Variants in STIM2 observed in about 807,000 individuals in gnomAD.
STIM2 encodes stromal interaction molecule 2.
Under a neutral mutation model 85.8 loss-of-function variants are expected in STIM2, and 31 were observed. The observed-to-expected ratio is 0.36, with a 90% CI of 0.27 to 0.49. STIM2 has a LOEUF of 0.49. Among genes scored for constraint, STIM2 ranks in the 20% least tolerant of loss-of-function variants. The pLI is 0.98. For missense variants in STIM2, 841 were observed against 927.6 expected (o/e 0.91, Z 1.21); for synonymous variants, 356 against 331.1 (o/e 1.08, Z -0.82).
At chr4:26,879,661 A>G (rs1436154831) in intron 1 of STIM2, among the ~76,000 whole-genome samples, 1 of 152,216 alleles carries the variant, frequency 6.6e-6, no homozygotes, top group Non-Finnish European at 1.5e-5. Flanking sequence ...TCTCATAGAT[A>G]GTAAAGAGAA....
At chr4:26,933,266 C>T (rs532606055) in intron 2 of STIM2, among the ~76,000 whole-genome samples, 42 of 150,846 alleles carry the variant, frequency 2.8e-4, no homozygotes, top group African/African-American at 1.0e-3. Flanking sequence ...TTTTATCGTA[C>T]TTAAAGGTAA....
intron 3 of STIM2, among the ~76,000 whole-genome samples, chr4:26,994,219 C>T (rs1223256792): frequency 1.3e-5 from 2 of 152,136 alleles, no homozygotes; most frequent in African/African-American, 4.8e-5. Flanking sequence ...ATGTCAAATG[C>T]ATACTTCAAA....
rs535888529 is a variant in STIM2, at chr4:26,917,078, G to A, written c.152-2426G>A. ...AGCTAAAATGGGTATTATGTGAGAA[G>A]TGGAGAAACATGGTCCCTGCCCTGT... On this transcript the variant is annotated intron_variant, in intron 1 of 11. Transcript: ENST00000467087. 2.6e-5 allele frequency among the ~76,000 whole-genome samples: 4 copies of A among 152,330 alleles called. No individual in the cohort carries two copies. In the South Asian group the frequency reaches 8.3e-4, roughly 32 times the overall value.
At chr4:27,007,088 A>G (rs955562101) in intron 7 of STIM2, among the ~76,000 whole-genome samples, 1 of 152,220 alleles carries the variant, frequency 6.6e-6, no homozygotes, top group Non-Finnish European at 1.5e-5. Context: ...TATCCACCCA[A>G]TTTTGGACAT....
At chr4:26,985,687 T>G (rs1337408036) in intron 3 of STIM2, among the ~76,000 whole-genome samples, 1 of 152,176 alleles carries the variant, frequency 6.6e-6, no homozygotes, top group Non-Finnish European at 1.5e-5. Context: ...TTTGTAACAG[T>G]CTGTACTGTT....
chr4:26,959,371 T>C (rs974489779), intron 3 of STIM2, among the ~76,000 whole-genome samples: 3 of 152,178 alleles, frequency 2.0e-5, no homozygotes, highest in Non-Finnish European at 2.9e-5. Flanking sequence ...GGTTATGGTC[T>C]CAGTGAAACC....
intron 2 of STIM2, among the ~76,000 whole-genome samples, chr4:26,947,121 A>G (rs1226216450): frequency 1.3e-5 from 2 of 152,130 alleles, no homozygotes; most frequent in African/African-American, 2.4e-5. Flanking sequence ...TTGGCTTTCT[A>G]CTCATGGTTG....
intron 1 of STIM2, among the ~76,000 whole-genome samples, chr4:26,891,437 T>G (rs1340573255): frequency 1.3e-5 from 2 of 152,280 alleles, no homozygotes; most frequent in East Asian, 3.9e-4. Context: ...ACTACAGATT[T>G]CAGACTTGTC....
At chr4:26,978,057 C>G (rs966055973) in intron 3 of STIM2, among the ~76,000 whole-genome samples, 3 of 151,988 alleles carry the variant, frequency 2.0e-5, no homozygotes, top group Non-Finnish European at 4.4e-5. Context: ...TTAACAGAGA[C>G]AGATTCACTG....
chr4:27,022,489 A>C, intron 11 of STIM2, 30 bp from the exon 12 acceptor site: 1 of 1,535,114 alleles, frequency 6.5e-7, no homozygotes, highest in Non-Finnish European at 8.8e-7. Flanking sequence ...ACTGATTTAA[A>C]ATTTGTACCT....
chr4:26,871,655 A>G (rs760443149), intron 1 of STIM2, among the ~76,000 whole-genome samples: 5 of 150,172 alleles, frequency 3.3e-5, no homozygotes, highest in Admixed American at 2.6e-4. Context: ...TAAGAAGCAT[A>G]GCATCTTATA....
At chr4:26,922,923 C>T (rs1724858012) in intron 2 of STIM2, among the ~76,000 whole-genome samples, 1 of 152,060 alleles carries the variant, frequency 6.6e-6, no homozygotes, top group African/African-American at 2.4e-5. Context: ...AAATATATTT[C>T]TCATTATATA....
intron 2 of STIM2, among the ~76,000 whole-genome samples, chr4:26,954,596 CT>C (rs1406742505): frequency 6.8e-6 from 1 of 148,136 alleles, no homozygotes; most frequent in African/African-American, 2.6e-5. Context: ...TTTAAAATTT[CT>C]GTAGTTACCC....
chr4:26,941,170 G>A (rs1427734015), intron 2 of STIM2, among the ~76,000 whole-genome samples: 1 of 152,108 alleles, frequency 6.6e-6, no homozygotes, highest in Non-Finnish European at 1.5e-5. Context: ...ATTCTCATGA[G>A]TATACAGGCA....
At chr4:26,945,449 CT>C (rs1369340776) in intron 2 of STIM2, among the ~76,000 whole-genome samples, 1 of 152,052 alleles carries the variant, frequency 6.6e-6, no homozygotes, top group East Asian at 1.9e-4. Context: ...ATTTATATTC[CT>C]TTGGGTGTAT....
intron 3 of STIM2, among the ~76,000 whole-genome samples, chr4:26,959,338 C>G (rs147277738): frequency 2.6e-5 from 4 of 152,248 alleles, no homozygotes; most frequent in Non-Finnish European, 1.5e-5. Context: ...TCCATCACCT[C>G]CTTTGTTAAA....
At chr4:26,941,924 T>G (rs577861535) in intron 2 of STIM2, among the ~76,000 whole-genome samples, 2 of 152,340 alleles carry the variant, frequency 1.3e-5, no homozygotes, top group East Asian at 1.9e-4. Flanking sequence ...TCTCAAATTT[T>G]AAAACTTTCA....
chr4:26,873,946 G>A lies in STIM2; in HGVS notation c.151+12577G>A, dbSNP rs902648244. ...CTCCAGACAGCTGGGTGCTCTTCTG[G>A]CTCAGGCTGTGAGTCAGGGATCCAC... On this transcript the variant is annotated intron_variant, in intron 1 of 11. Coordinates refer to ENST00000467087, the MANE Select transcript of STIM2 (RefSeq NM_020860.4). 29 of 1,332,044 alleles carry A rather than the reference G, an allele frequency of 2.2e-5. No homozygotes were observed. The African/African-American group carries it at 3.6e-4, about 17-fold the overall frequency. The allele number at this position is 1,332,044 out of a possible 1,614,324, so 82.5% of individuals were successfully genotyped here. A position where few individuals can be genotyped will look rare whatever the true frequency, so the allele number is the denominator to read the frequency against.
At chr4:26,895,169 G>A (rs913072476) in intron 1 of STIM2, among the ~76,000 whole-genome samples, 9 of 152,192 alleles carry the variant, frequency 5.9e-5, no homozygotes, top group South Asian at 4.1e-4. Context: ...CTGAGATTGC[G>A]CCACTGCACT....
Sources: allele counts gnomAD v4.1 joint callset (sites outside exome capture counted in the v4.1 genomes callset), GRCh38; gene constraint gnomAD v4.1.1; transcripts MANE v1.5; gene names NCBI Gene and HGNC (gene_info 2026-07-23, HGNC 2026-07-21).